FAM168A: variants seen among roughly 807,000 people sequenced by gnomAD.
FAM168A encodes family with sequence similarity 168 member A.
FAM168A carries 3 observed loss-of-function variants against 28.5 expected under a neutral mutation model. That is an observed-to-expected ratio of 0.11 (90% CI 0.05 to 0.27). FAM168A has a LOEUF of 0.27. Ranked by LOEUF, FAM168A falls within the 10% of genes least tolerant of loss-of-function variation. The pLI is 1.00. For synonymous variants in FAM168A, 122 were observed against 124.2 expected, an observed-to-expected ratio of 0.98 and a Z score of 0.12; for missense variants, 222 against 311.5, an observed-to-expected ratio of 0.71 and a Z score of 2.16.
chr11:73,483,935 G>A (rs577246785), intron 1 of FAM168A, among the ~76,000 whole-genome samples: 1 of 152,300 alleles, frequency 6.6e-6, no homozygotes, highest in South Asian at 2.1e-4. Flanking sequence ...GATTGTATGG[G>A]GGAAGTATAA....
At chr11:73,499,090 A>C (rs1227928594) in intron 1 of FAM168A, among the ~76,000 whole-genome samples, 1 of 152,150 alleles carries the variant, frequency 6.6e-6, no homozygotes, top group Non-Finnish European at 1.5e-5. Context: ...CCTATACAGG[A>C]GCAATCCTAC....
In FAM168A at chr11:73,468,500, G is replaced by A. The variant is rs763657145; in HGVS notation, c.-18-8C>T. 1.8e-5 allele frequency: 28 copies of A among 1,582,734 alleles called. No homozygotes were observed. Among genetic ancestry groups the A allele is most frequent in the Middle Eastern group, 1.7e-4 (1 of 6,018 alleles). On this transcript the variant is annotated splice_polypyrimidine_tract_variant and splice_region_variant and intron_variant, in intron 1 of 7. Transcript: ENST00000356467. Reference sequence around the variant, plus strand: ...TGTGGAAGACTGAGGATCCTACAGAGAAAACAAAGAAAACAGCACTGATAT... The same window carrying A: ...TGTGGAAGACTGAGGATCCTACAGAAAAAACAAAGAAAACAGCACTGATAT...
chr11:73,420,190 G>A (rs1866767767), intron 3 of FAM168A, among the ~76,000 whole-genome samples, 191 bp from the exon 4 acceptor site: 1 of 152,170 alleles, frequency 6.6e-6, no homozygotes, highest in Admixed American at 6.5e-5. Flanking sequence ...GTTTCCAAAT[G>A]ATTTGAAATC....
At chr11:73,481,289 T>C (rs1442937951) in intron 1 of FAM168A, among the ~76,000 whole-genome samples, 1 of 152,222 alleles carries the variant, frequency 6.6e-6, no homozygotes, top group African/African-American at 2.4e-5. Flanking sequence ...TTCTGTAACA[T>C]TTATCACACT....
chr11:73,587,308 T>G (rs377535485), intron 1 of FAM168A, among the ~76,000 whole-genome samples: 1 of 151,946 alleles, frequency 6.6e-6, no homozygotes, highest in Non-Finnish European at 1.5e-5. Flanking sequence ...CTGGCTAACA[T>G]GGCAAAAACC....
chr11:73,437,769 T>C (rs141375691), intron 2 of FAM168A, among the ~76,000 whole-genome samples: 1 of 152,174 alleles, frequency 6.6e-6, no homozygotes, highest in Non-Finnish European at 1.5e-5. Context: ...TAGTTCCTGG[T>C]CCTAGTTCTA....
intron 1 of FAM168A, among the ~76,000 whole-genome samples, chr11:73,558,831 C>A (rs1450147936): frequency 6.6e-6 from 1 of 151,882 alleles, no homozygotes; most frequent in Non-Finnish European, 1.5e-5. Context: ...AAATATGAAC[C>A]CTCAAACATT....
chr11:73,530,505 T>A (rs1943503592), intron 1 of FAM168A, among the ~76,000 whole-genome samples: 1 of 152,148 alleles, frequency 6.6e-6, no homozygotes, highest in Non-Finnish European at 1.5e-5. Context: ...AGCCAGTTTC[T>A]TCTTCACCAC....
intron 1 of FAM168A, 71 bp from the exon 2 acceptor site, chr11:73,468,563 T>C (rs747226740): frequency 2.3e-5 from 28 of 1,235,342 alleles, no homozygotes; most frequent in Non-Finnish European, 3.2e-5. Context: ...TTCTCCTCCA[T>C]AATCTTCAGT....
chr11:73,560,290 T>C (rs73548680), intron 1 of FAM168A, among the ~76,000 whole-genome samples: 11,827 of 151,946 alleles, frequency 0.078, 559 homozygotes, highest in Non-Finnish European at 0.11. Flanking sequence ...CTTGAAATTA[T>C]GGCTTCAAGC....
chr11:73,437,745 G>A (rs768536203), intron 2 of FAM168A, among the ~76,000 whole-genome samples: 5 of 150,004 alleles, frequency 3.3e-5, no homozygotes, highest in African/African-American at 7.3e-5. Flanking sequence ...AGTCGAGATC[G>A]CACCATTGCA....
Position 73,411,388 on chromosome 11 carries a change from A to G in FAM168A, c.420+6T>C. 6.3e-7 allele frequency: 1 copy of G among 1,588,212 alleles called. No homozygotes were observed. Among genetic ancestry groups the G allele is most frequent in the Non-Finnish European group, 8.6e-7 (1 of 1,166,540 alleles). On this transcript the variant is annotated splice_donor_region_variant and intron_variant, in intron 5 of 7. Coordinates refer to ENST00000356467, the MANE Select transcript of FAM168A (RefSeq NM_015159.3). ...TGCAGAAGAGGTGGCTTTGACATGTACCTACCTGGGCATACAGATTCTGCT... is the reference window on the plus strand; with the variant it reads ...TGCAGAAGAGGTGGCTTTGACATGTGCCTACCTGGGCATACAGATTCTGCT...
chr11:73,562,010 T>C (rs1483831614), intron 1 of FAM168A, among the ~76,000 whole-genome samples: 3 of 152,100 alleles, frequency 2.0e-5, no homozygotes, highest in Non-Finnish European at 2.9e-5. Flanking sequence ...TGGTGCAATC[T>C]CAGCTCACTG....
intron 2 of FAM168A, among the ~76,000 whole-genome samples, chr11:73,453,771 G>T (rs1867475861): frequency 6.6e-6 from 1 of 152,206 alleles, no homozygotes; most frequent in African/African-American, 2.4e-5. Flanking sequence ...TTACGCAACA[G>T]AAACCATTCC....
chr11:73,539,156 T>G (rs1244114002), intron 1 of FAM168A, among the ~76,000 whole-genome samples: 1 of 152,206 alleles, frequency 6.6e-6, no homozygotes, highest in Admixed American at 6.5e-5. Context: ...TTTTCTCAAT[T>G]CAACAGTTAA....
chr11:73,536,044 A>G (rs1164442110), intron 1 of FAM168A, among the ~76,000 whole-genome samples: 2 of 152,002 alleles, frequency 1.3e-5, no homozygotes, highest in Non-Finnish European at 2.9e-5. Context: ...ATGAGGTTTC[A>G]GTGTGTTGCC....
intron 2 of FAM168A, among the ~76,000 whole-genome samples, chr11:73,461,481 A>AG (rs1867646224): frequency 6.6e-6 from 1 of 152,182 alleles, no homozygotes; most frequent in Admixed American, 6.5e-5. Context: ...ATCTAAGAAC[A>AG]GGGTTGGATT....
chr11:73,498,053 CT>C (rs1327101380), intron 1 of FAM168A, among the ~76,000 whole-genome samples: 1 of 152,176 alleles, frequency 6.6e-6, no homozygotes. Context: ...ACAAACACCC[CT>C]GCCCTCAAAA....
intron 2 of FAM168A, among the ~76,000 whole-genome samples, 159 bp downstream of exon 2, chr11:73,468,246 G>A (rs1867765570): frequency 6.6e-6 from 1 of 152,168 alleles, no homozygotes; most frequent in South Asian, 2.1e-4. Context: ...CACACAACAG[G>A]TTCTCTGAGA....
Sources: gnomAD v4.1 joint callset for allele counts (sites outside exome capture counted in the v4.1 genomes callset) on GRCh38, gnomAD v4.1.1 for gene constraint, MANE v1.5 for transcripts, NCBI Gene and HGNC (gene_info 2026-07-23, HGNC 2026-07-21) for gene names.